The following IFT46 variants were observed in gnomAD, a reference collection of about 807,000 sequenced individuals.
IFT46 encodes the protein intraflagellar transport 46, also known as intraflagellar transport protein 46 homolog.
Under a neutral mutation model 39.6 loss-of-function variants are expected in IFT46, and 19 were observed. That is an observed-to-expected ratio of 0.48 (90% CI 0.33 to 0.70). IFT46 has a LOEUF of 0.70. Ranked by LOEUF, IFT46 falls within the 30% of genes least tolerant of loss-of-function variation. The probability of loss-of-function intolerance (pLI) is 0.01; values close to 1 mark genes in which losing one functional copy is unlikely to be tolerated. For synonymous variants in IFT46, 117 were observed against 134.8 expected (o/e 0.87, Z 0.91); for missense variants, 334 against 364.8 (o/e 0.92, Z 0.69).
chr11:118,554,882 G>A (rs1291641703), intron 6 of IFT46, 108 bp downstream of exon 6: 8 of 845,768 alleles, frequency 9.5e-6, no homozygotes, highest in African/African-American at 3.4e-5. Flanking sequence ...CCAATGAAAT[G>A]AACATGACTA....
At chr11:118,571,020 A>G (rs1440981825), upstream of IFT46, among the ~76,000 whole-genome samples, 1 of 152,052 alleles carries the variant, frequency 6.6e-6, no homozygotes, top group Non-Finnish European at 1.5e-5. Context: ...GGACTCTAGG[A>G]TCATGCCACC....
intron 7 of IFT46, among the ~76,000 whole-genome samples, chr11:118,553,260 G>A (rs1431926648): frequency 2.0e-5 from 3 of 151,980 alleles, no homozygotes; most frequent in African/African-American, 7.3e-5. Context: ...TGACCAACAT[G>A]GAGAAACCCT....
At chr11:118,572,968 A>C in exon 1 of IFT46, 1 of 205,984 alleles carries the variant, frequency 4.9e-6, no homozygotes, top group Non-Finnish European at 9.7e-6. Flanking sequence ...CCTTCTGTTA[A>C]TCAGAGCTTG....
exon 1 of IFT46, chr11:118,572,771 A>C (rs2135525052): frequency 4.2e-6 from 2 of 473,032 alleles, no homozygotes; most frequent in South Asian, 4.0e-5. Flanking sequence ...CTTCCGCACC[A>C]CCCCCCAACC....
intron 2 of IFT46, 41 bp from the exon 3 acceptor site, chr11:118,559,905 A>G: frequency 8.6e-7 from 1 of 1,158,214 alleles, no homozygotes; most frequent in Non-Finnish European, 1.3e-6. Context: ...TGTTAAAATG[A>G]TTTTTAAAAA....
chr11:118,563,362 A>C (rs1555070893), intron 2 of IFT46, among the ~76,000 whole-genome samples: 1 of 152,224 alleles, frequency 6.6e-6, no homozygotes, highest in Non-Finnish European at 1.5e-5. Context: ...ATGGTTAAAC[A>C]ACATTGTGAA....
At chr11:118,554,903 GT>G in intron 6 of IFT46, 86 bp downstream of exon 6, 1 of 1,025,268 alleles carries the variant, frequency 9.8e-7, no homozygotes, top group South Asian at 1.4e-5. Context: ...GCCAATGCTA[GT>G]CAAAGAAATT....
chr11:118,555,805 C>T (rs1253316848), intron 4 of IFT46, among the ~76,000 whole-genome samples: 5 of 151,848 alleles, frequency 3.3e-5, no homozygotes, highest in African/African-American at 7.2e-5. Flanking sequence ...CACCTGTAGT[C>T]GCAGCTACTC....
intron 1 of IFT46, chr11:118,572,352 C>CCCCCCCCCCCCCCCCCT: frequency 1.4e-5 from 2 of 139,190 alleles, no homozygotes; most frequent in South Asian, 2.6e-4. Context: ...GGCCCCGCCC[C>CCCCCCCCCCCCCCCCCT]CCCCCCCGCC....
At chr11:118,560,722 C>T in intron 2 of IFT46, 1 of 646,860 alleles carries the variant, frequency 1.5e-6, no homozygotes, top group South Asian at 1.7e-5. Context: ...AGAATAAAGC[C>T]TACTTTAAGA....
upstream of IFT46, among the ~76,000 whole-genome samples, chr11:118,574,739 C>T (rs1421837651): frequency 6.6e-6 from 1 of 150,638 alleles, no homozygotes; most frequent in Non-Finnish European, 1.5e-5. Context: ...AAATAAAGTA[C>T]AAAGAAAGGC....
chr11:118,569,145 C>T (rs868938035), upstream of IFT46, among the ~76,000 whole-genome samples: 4 of 151,404 alleles, frequency 2.6e-5, no homozygotes, highest in African/African-American at 7.3e-5. Flanking sequence ...CAGGCGTGGT[C>T]GTCCATGCCT....
At chr11:118,556,230 G>A (rs956285394) in intron 4 of IFT46, among the ~76,000 whole-genome samples, 2 of 151,930 alleles carry the variant, frequency 1.3e-5, no homozygotes, top group African/African-American at 2.4e-5. Context: ...AGTGGCTCAC[G>A]CCTGTAATCC....
chr11:118,552,051 A>G (rs1937659083), intron 8 of IFT46, among the ~76,000 whole-genome samples, 163 bp downstream of exon 8: 2 of 152,160 alleles, frequency 1.3e-5, no homozygotes, highest in African/African-American at 4.8e-5. Flanking sequence ...TAGAGAAATT[A>G]CAATCTTTAT....
At position 118,554,478 on chromosome 11, in the gene IFT46, G is replaced by C; in HGVS notation, c.464C>G (p.Ser155Cys). 2 of 1,611,810 alleles carry C rather than the reference G, an allele frequency of 1.2e-6. No homozygotes were observed. The highest frequency in any genetic ancestry group is 1.7e-6 in the Non-Finnish European group (2 of 1,179,188). The stretch of plus-strand genomic sequence containing the variant: ...TCTTACTGTGATGTTGTGCTGCTTA[G>C]AATTCTCTGTTAACCAGAGTGAGAG... The part of the protein sequence containing the change: ...TVLSLWLTEN[S>C]KQHNITQHMK... The change falls in exon 7 of 12, where the codon TCT (serine) becomes TGT (cysteine). Residue 155 changes from serine to cysteine, a missense_variant. By Grantham distance (112) the Ser-to-Cys change is moderately radical (BLOSUM62 -1). Coordinates refer to ENST00000264021, the MANE Select transcript of IFT46 (RefSeq NM_001168618.2).
chr11:118,553,085 A>G (rs1937703652), intron 7 of IFT46, among the ~76,000 whole-genome samples: 1 of 151,882 alleles, frequency 6.6e-6, no homozygotes, highest in African/African-American at 2.4e-5. Flanking sequence ...CTGTCTCAAA[A>G]AAAAATAATT....
rs1364315467 is a variant in IFT46 at position 118,544,882 on chromosome 11, A to AG, written c.*33dup. On this transcript the variant is annotated 3_prime_UTR_variant, in exon 12 of 12. Coordinates refer to ENST00000264021, the MANE Select transcript of IFT46 (RefSeq NM_001168618.2). ...CCATCTCAGCTGGGGCAGAGGGGCC[A>AG]GCTCAGCCTTGAAACAGCAGCTTGG... The AG allele has an allele frequency of 1.4e-6, 2 of 1,478,390 alleles. No homozygotes were observed. The highest frequency in any genetic ancestry group is 2.8e-5 in the African/African-American group (2 of 72,044). 91.6% of individuals were successfully genotyped at this position (1,478,390 alleles called of 1,614,324 possible).
chr11:118,573,266 A>C (rs1938397069), upstream of IFT46, among the ~76,000 whole-genome samples: 1 of 152,188 alleles, frequency 6.6e-6, no homozygotes, highest in South Asian at 2.1e-4. Context: ...CAAGGAACTT[A>C]TTGTCCAGGT....
Position 118,551,197 on chromosome 11 carries a change from C to T in IFT46, c.672+589G>A, listed in dbSNP as rs186376897. The stretch of plus-strand genomic sequence containing the variant: ...GACCAGCCTGGCCAACATGGTGAAA[C>T]CCTTTCTCTACTAAAATACAAAAAT... On this transcript the variant is annotated intron_variant, in intron 9 of 11. Coordinates refer to ENST00000264021, the MANE Select transcript of IFT46 (RefSeq NM_001168618.2). Among the ~76,000 whole-genome samples, 4 of 151,770 alleles carry T rather than the reference C, an allele frequency of 2.6e-5. No homozygotes were observed. In the East Asian group the frequency reaches 7.8e-4, roughly 29 times the overall value.
Sources: gnomAD v4.1 joint callset for allele counts (sites outside exome capture counted in the v4.1 genomes callset) on GRCh38, gnomAD v4.1.1 for gene constraint, MANE v1.5 for transcripts, NCBI Gene and HGNC (gene_info 2026-07-23, HGNC 2026-07-21) for gene names.